The following REXO4 variants were observed in gnomAD, a reference collection of about 807,000 sequenced individuals.
REXO4 encodes the protein RNA exonuclease 4.
A neutral mutation model predicts 39.9 loss-of-function variants in REXO4; 29 were observed. The observed-to-expected ratio is 0.73, with a 90% confidence interval of 0.54 to 0.99. REXO4 has a LOEUF of 0.99. Among genes scored for constraint, REXO4 ranks in the 50% least tolerant of loss-of-function variants. The probability of loss-of-function intolerance (pLI) is 0.00; values close to 1 mark genes in which losing one functional copy is unlikely to be tolerated. For missense variants in REXO4, 524 were observed against 546.5 expected, an observed-to-expected ratio of 0.96 and a Z score of 0.41; for synonymous variants, 184 against 206.2, an observed-to-expected ratio of 0.89 and a Z score of 0.92.
At position 133,406,847 on chromosome 9, in the gene REXO4, C is replaced by G; in HGVS notation, c.*106G>C. The G allele has an allele frequency of 6.5e-7, 1 of 1,535,588 alleles. No individual in the cohort carries two copies. The highest frequency in any genetic ancestry group is 8.8e-7 in the Non-Finnish European group (1 of 1,131,346). ...CACGCCACGCCCCTCTGCCATGATT[C>G]TGAAAAGGTTTCACCAGAGTTGCCA... On this transcript the variant is annotated 3_prime_UTR_variant, in exon 8 of 8. Transcript: ENST00000371942.
chr9:133,411,282 A>C (rs913798918), intron 4 of REXO4, among the ~76,000 whole-genome samples: 7 of 152,206 alleles, frequency 4.6e-5, no homozygotes, highest in African/African-American at 1.7e-4. Flanking sequence ...GGCTGCGAGA[A>C]CCACCTCTGA....
intron 7 of REXO4, among the ~76,000 whole-genome samples, chr9:133,407,501 G>T (rs1838955645): frequency 6.6e-6 from 1 of 152,112 alleles, no homozygotes; most frequent in Non-Finnish European, 1.5e-5. Context: ...AGCAGGGCCG[G>T]GCAGGGCAGG....
rs782776107 is a variant in REXO4, at chr9:133,412,410, T to G, written c.799A>C (p.Ile267Leu). The change falls in exon 4 of 8, where the codon ATC becomes CTC. Residue 267 changes from isoleucine (I) to leucine (L), a missense_variant. Transcript: ENST00000371942. ...ACGCACTTCCCATACTGGTTCACGA[T>G]GGACACACGGGCGGCCATGCTCTCC... ...GEESMAARVS[I>L]VNQYGKCVYD... 1 of 1,614,176 alleles carries G rather than the reference T, an allele frequency of 6.2e-7. No homozygotes were observed.
chr9:133,412,526 C>G (rs1554780395), intron 3 of REXO4, 34 bp from the exon 4 acceptor site: 1 of 1,608,116 alleles, frequency 6.2e-7, no homozygotes, highest in African/African-American at 1.3e-5. Context: ...GTTTAATAAA[C>G]ACGGCAGGCC....
chr9:133,416,651 T>C (rs919034747), intron 1 of REXO4, among the ~76,000 whole-genome samples: 5 of 152,126 alleles, frequency 3.3e-5, no homozygotes, highest in African/African-American at 1.2e-4. Flanking sequence ...GCAGGCAACC[T>C]CTACAGAAGT....
Position 133,410,965 on chromosome 9 carries a change from C to A in REXO4, c.999+20G>T. On this transcript the variant is annotated intron_variant, in intron 5 of 7. Coordinates refer to ENST00000371942, the MANE Select transcript of REXO4 (RefSeq NM_020385.4). ...CCACGGAGCAGGGGCAGGCTGAGTC[C>A]CCAGGAGAGAGCCCAGTACCTTTAG... The A allele has an allele frequency of 1.2e-6, 2 of 1,604,086 alleles. No homozygotes were observed. Among genetic ancestry groups the A allele is most frequent in the Non-Finnish European group, 1.7e-6 (2 of 1,170,904 alleles).
intron 4 of REXO4, 37 bp downstream of exon 4, chr9:133,412,262 C>A (rs781982450): frequency 6.2e-7 from 1 of 1,600,796 alleles, no homozygotes; most frequent in Non-Finnish European, 8.5e-7. Flanking sequence ...CCAGTTACTA[C>A]TTTCCCTTCT....
At position 133,406,976 on chromosome 9, in the gene REXO4, C is replaced by T. The variant is rs782246136; in HGVS notation, c.1246G>A (p.Asp416Asn). 6.2e-7 allele frequency: 1 copy of T among 1,612,268 alleles called. No individual in the cohort carries two copies. Among genetic ancestry groups the T allele is most frequent in the South Asian group, 1.1e-5 (1 of 91,074 alleles). The part of the protein sequence containing the change: ...RDRRPLLTAP[D>N]HCSDDA ...TGCTAGGCGTCGTCACTGCAGTGGTCTGGAGCAGTCAGCAGGGGGCGCCTG... is the reference window on the plus strand; with the variant it reads ...TGCTAGGCGTCGTCACTGCAGTGGTTTGGAGCAGTCAGCAGGGGGCGCCTG... Residue 416 changes from aspartate (D) to asparagine (N), a missense_variant, in exon 8 of 8, where the codon GAC (aspartate) becomes AAC (asparagine). Coordinates refer to ENST00000371942, the MANE Select transcript of REXO4 (RefSeq NM_020385.4).
At chr9:133,411,810 C>A (rs1406154922) in intron 4 of REXO4, among the ~76,000 whole-genome samples, 1 of 151,950 alleles carries the variant, frequency 6.6e-6, no homozygotes, top group Non-Finnish European at 1.5e-5. Context: ...CCTGTAATCC[C>A]AGCTACTCGG....
rs115138945 is a variant in REXO4 at position 133,416,613 on chromosome 9, A to G, written c.225+1007T>C. On this transcript the variant is annotated intron_variant, in intron 1 of 7. Coordinates refer to ENST00000371942, the MANE Select transcript of REXO4 (RefSeq NM_020385.4). Reference sequence around the variant, plus strand: ...GGGATGTGGTAAGAATGTATGAGTGACGCACGTGGAAGAGTGTCTAGGAGA... The same window carrying G: ...GGGATGTGGTAAGAATGTATGAGTGGCGCACGTGGAAGAGTGTCTAGGAGA... 8.9e-3 allele frequency among the ~76,000 whole-genome samples: 1,348 copies of G among 152,302 alleles called. 19 individuals are homozygous for G. Among genetic ancestry groups the G allele is most frequent in the African/African-American group, 0.031 (1,274 of 41,560 alleles).
intron 1 of REXO4, chr9:133,415,571 G>A (rs1206267011): frequency 6.5e-6 from 1 of 153,344 alleles, no homozygotes; most frequent in Non-Finnish European, 1.5e-5. Context: ...AGAGGCTCCT[G>A]TAGTCTTAGA....
intron 7 of REXO4, among the ~76,000 whole-genome samples, chr9:133,407,592 T>C (rs1838964550): frequency 1.3e-5 from 2 of 152,200 alleles, no homozygotes; most frequent in Admixed American, 1.3e-4. Context: ...GCAGTACTTT[T>C]GTGTTAAGTG....
chr9:133,413,505 A>G (rs1839360189), intron 2 of REXO4, among the ~76,000 whole-genome samples: 1 of 152,218 alleles, frequency 6.6e-6, no homozygotes, highest in South Asian at 2.1e-4. Context: ...CCACCACCCA[A>G]GTGTAATGAG....
intron 6 of REXO4, 139 bp from the exon 7 acceptor site, chr9:133,408,020 G>C: frequency 1.6e-6 from 1 of 624,860 alleles, no homozygotes; most frequent in East Asian, 2.8e-5. Flanking sequence ...GGTGCTCATG[G>C]CACTTAGGGT....
At chr9:133,408,985 T>TGTGTGTGTGA (rs1347123389) in intron 5 of REXO4, 143 bp from the exon 6 acceptor site, 15 of 459,536 alleles carry the variant, frequency 3.3e-5, no homozygotes, top group South Asian at 1.6e-4. Flanking sequence ...TGTGTGTGTG[T>TGTGTGTGTGA]GACGGAGTCT....
intron 1 of REXO4, among the ~76,000 whole-genome samples, chr9:133,415,253 C>T (rs1377890112): frequency 1.3e-5 from 2 of 152,146 alleles, no homozygotes; most frequent in Admixed American, 6.5e-5. Context: ...TTTGCACCTG[C>T]TCCTTCATGC....
intron 5 of REXO4, 34 bp downstream of exon 5, chr9:133,410,951 G>T: frequency 6.5e-7 from 1 of 1,530,054 alleles, no homozygotes; most frequent in Non-Finnish European, 9.1e-7. Context: ...CACGGAGCAG[G>T]GGCAGGCTGA....
At chr9:133,409,309 C>T (rs1564391868) in intron 5 of REXO4, among the ~76,000 whole-genome samples, 2 of 152,032 alleles carry the variant, frequency 1.3e-5, no homozygotes, top group African/African-American at 4.8e-5. Flanking sequence ...GTCACACACA[C>T]ATGGAAACAA....
rs183353033 is a variant in REXO4 at position 133,412,759 on chromosome 9, C to T, written c.716+19G>A. The T allele has an allele frequency of 8.1e-5, 130 of 1,607,484 alleles. 2 individuals are homozygous for T. The East Asian group carries it at 2.3e-3, about 28-fold the overall frequency. On this transcript the variant is annotated intron_variant, in intron 3 of 7. Transcript: ENST00000371942. ...GGCTAAGCATCCCCAGCAGACCCCA[C>T]TCCCTGAGACCAGCGTACCCGCCGA...
Sources: gnomAD v4.1 joint callset for allele counts (sites outside exome capture counted in the v4.1 genomes callset) on GRCh38, gnomAD v4.1.1 for gene constraint, MANE v1.5 for transcripts, NCBI Gene and HGNC (gene_info 2026-07-23, HGNC 2026-07-21) for gene names.